DENND1A: variants seen among roughly 807,000 people sequenced by gnomAD.
DENND1A encodes the protein DENN domain-containing protein 1A.
DENND1A carries 51 observed loss-of-function variants against 113.7 expected under a neutral mutation model. The ratio of observed to expected loss-of-function variants is 0.45; its 90% CI spans 0.36 to 0.57. DENND1A has a LOEUF of 0.57. DENND1A is among the 20% of genes least tolerant of loss of function. The pLI is 0.00. For missense variants in DENND1A, 1,258 were observed against 1,395.9 expected, an observed-to-expected ratio of 0.90 and a Z score of 1.57; for synonymous variants, 565 against 570.8, an observed-to-expected ratio of 0.99 and a Z score of 0.14.
intron 8 of DENND1A, among the ~76,000 whole-genome samples, chr9:123,652,660 C>A (rs569042991): frequency 6.6e-6 from 1 of 152,296 alleles, no homozygotes; most frequent in African/African-American, 2.4e-5. Flanking sequence ...GCTCCTCTCC[C>A]GTCATCACTG....
chr9:123,402,234 G>A (rs370072730), intron 21 of DENND1A, among the ~76,000 whole-genome samples: 7 of 134,652 alleles, frequency 5.2e-5, no homozygotes, highest in African/African-American at 1.5e-4. Context: ...GTGTGCAAGC[G>A]CACACGTGCA....
At chr9:123,571,368 A>G (rs947158141) in intron 12 of DENND1A, among the ~76,000 whole-genome samples, 3 of 152,244 alleles carry the variant, frequency 2.0e-5, no homozygotes, top group Admixed American at 6.5e-5. Context: ...GTTTTGACCA[A>G]TGTCTACACG....
intron 10 of DENND1A, among the ~76,000 whole-genome samples, chr9:123,618,917 T>G (rs1461511940): frequency 1.3e-5 from 2 of 152,224 alleles, no homozygotes; most frequent in African/African-American, 4.8e-5. Flanking sequence ...TTGCTATATG[T>G]ACTTTAAAAG....
chr9:123,561,290 C>A (rs968256422), intron 12 of DENND1A, among the ~76,000 whole-genome samples: 2 of 152,150 alleles, frequency 1.3e-5, no homozygotes, highest in Non-Finnish European at 2.9e-5. Context: ...AAGAAGGAGT[C>A]GTTGATTGTA....
chr9:123,675,404 G>C (rs1209593730), intron 6 of DENND1A, among the ~76,000 whole-genome samples: 2 of 152,148 alleles, frequency 1.3e-5, no homozygotes, highest in Admixed American at 1.3e-4. Context: ...TACATTAAAT[G>C]AATCTTAAGG....
At chr9:123,747,110 A>C (rs1301652121) in intron 5 of DENND1A, among the ~76,000 whole-genome samples, 2 of 152,110 alleles carry the variant, frequency 1.3e-5, no homozygotes, top group Non-Finnish European at 2.9e-5. Flanking sequence ...TTAAAAACTT[A>C]AAATAAAAAA....
chr9:123,563,562 GTGCC>G (rs2057883790), intron 12 of DENND1A, among the ~76,000 whole-genome samples: 3 of 152,196 alleles, frequency 2.0e-5, no homozygotes, highest in African/African-American at 4.8e-5. Flanking sequence ...ATGTAGTAGA[GTGCC>G]TGGCTTTTTT....
intron 13 of DENND1A, among the ~76,000 whole-genome samples, chr9:123,509,883 C>T (rs370456613): frequency 6.6e-6 from 1 of 152,204 alleles, no homozygotes; most frequent in East Asian, 1.9e-4. Flanking sequence ...ATTCTATGAC[C>T]AGGGTCATCT....
chr9:123,845,676 A>ATGTCTCC (rs1842506296), intron 2 of DENND1A, among the ~76,000 whole-genome samples: 1 of 127,200 alleles, frequency 7.9e-6, no homozygotes, highest in African/African-American at 3.5e-5. Flanking sequence ...TCTCCAAAAA[A>ATGTCTCC]AAAAAAAAAA....
intron 6 of DENND1A, among the ~76,000 whole-genome samples, chr9:123,673,737 T>TGG (rs768519247): frequency 6.6e-6 from 1 of 152,240 alleles, no homozygotes; most frequent in Admixed American, 6.5e-5. Flanking sequence ...TTGAAAACCA[T>TGG]GGGTTCACAC....
intron 9 of DENND1A, among the ~76,000 whole-genome samples, chr9:123,644,494 G>C (rs1198768536): frequency 6.7e-6 from 1 of 149,434 alleles, no homozygotes; most frequent in Non-Finnish European, 1.5e-5. Context: ...TTTGGCTCAG[G>C]GTATCTTTTT....
chr9:123,690,109 GAAGAAAA>G (rs2065089083), intron 5 of DENND1A, among the ~76,000 whole-genome samples: 2 of 88,498 alleles, frequency 2.3e-5, no homozygotes, highest in Non-Finnish European at 4.4e-5. Context: ...AGGGAGGGAG[GAAGAAAA>G]AGGAGGGAGG....
chr9:123,758,145 G>T (rs2070737149), intron 4 of DENND1A, among the ~76,000 whole-genome samples: 1 of 152,158 alleles, frequency 6.6e-6, no homozygotes, highest in Non-Finnish European at 1.5e-5. Flanking sequence ...TCATTTTGCT[G>T]ATGAAGAAAT....
At chr9:123,638,916 A>C (rs1305898998) in intron 9 of DENND1A, among the ~76,000 whole-genome samples, 1 of 152,006 alleles carries the variant, frequency 6.6e-6, no homozygotes, top group South Asian at 2.1e-4. Context: ...TTTAATAAAG[A>C]ATCATACTTT....
intron 21 of DENND1A, among the ~76,000 whole-genome samples, chr9:123,394,334 G>T (rs781201896): frequency 2.2e-4 from 33 of 152,162 alleles, no homozygotes; most frequent in Middle Eastern, 3.2e-3. Context: ...ATCTCCGAGA[G>T]GGGCAGGCAC....
chr9:123,595,148 G>A (rs533734742), intron 11 of DENND1A, among the ~76,000 whole-genome samples: 2 of 152,246 alleles, frequency 1.3e-5, no homozygotes, highest in South Asian at 4.2e-4. Context: ...AAACACCGCT[G>A]GAATTTCCCA....
At chr9:123,514,801 G>A (rs2053761395) in intron 13 of DENND1A, among the ~76,000 whole-genome samples, 1 of 152,194 alleles carries the variant, frequency 6.6e-6, no homozygotes, top group South Asian at 2.1e-4. Flanking sequence ...GTATCAACTA[G>A]AAGGGCCTAG....
intron 11 of DENND1A, among the ~76,000 whole-genome samples, chr9:123,602,483 G>A (rs2059977396): frequency 6.6e-6 from 1 of 152,170 alleles, no homozygotes; most frequent in Admixed American, 6.5e-5. Flanking sequence ...CTATCTGCAA[G>A]TGTGAATATC....
intron 2 of DENND1A, among the ~76,000 whole-genome samples, chr9:123,801,061 T>C (rs1488582198): frequency 2.0e-5 from 3 of 152,176 alleles, no homozygotes; most frequent in Non-Finnish European, 4.4e-5. Flanking sequence ...TCTTCCCCAC[T>C]CCACCCTGCT....
Sources: allele counts gnomAD v4.1 joint callset (sites outside exome capture counted in the v4.1 genomes callset), GRCh38; gene constraint gnomAD v4.1.1; transcripts MANE v1.5; gene names NCBI Gene and HGNC (gene_info 2026-07-23, HGNC 2026-07-21).